The following ZCCHC10 variants were observed in gnomAD, a reference collection of about 807,000 sequenced individuals.
ZCCHC10 encodes the protein zinc finger CCHC domain-containing protein 10.
In ZCCHC10, 16 loss-of-function variants were observed where a neutral mutation model predicts 19.5. The ratio of observed to expected loss-of-function variants is 0.82; its 90% CI spans 0.56 to 1.25. The LOEUF (loss-of-function observed/expected upper bound fraction) is 1.25, where lower values mean the gene tolerates loss of function less well. ZCCHC10 is among the 50% of genes most tolerant of loss of function. The pLI is 0.00. For synonymous variants in ZCCHC10, 67 were observed against 72.5 expected (o/e 0.92, Z 0.38); for missense variants, 197 against 201.0 (o/e 0.98, Z 0.12).
chr5:133,003,482 A>C (rs1178405021), intron 3 of ZCCHC10: 1 of 211,612 alleles, frequency 4.7e-6, no homozygotes, highest in Non-Finnish European at 9.6e-6. Flanking sequence ...ATGTTGAGGT[A>C]ATCTACTGGA....
At chr5:133,014,064 T>C (rs1763753103) in intron 2 of ZCCHC10, among the ~76,000 whole-genome samples, 2 of 152,082 alleles carry the variant, frequency 1.3e-5, no homozygotes, top group Admixed American at 1.3e-4. Flanking sequence ...ACCCAGAATA[T>C]TTTCCTGCAT....
At chr5:133,018,938 G>A (rs1284252272) in intron 2 of ZCCHC10, 1 of 335,374 alleles carries the variant, frequency 3.0e-6, no homozygotes, top group Non-Finnish European at 5.7e-6. Flanking sequence ...TTGGCGGTGG[G>A]GGTCCATAGT....
chr5:133,001,748 C>G (rs1762787780), intron 3 of ZCCHC10, among the ~76,000 whole-genome samples: 2 of 152,102 alleles, frequency 1.3e-5, no homozygotes, highest in Admixed American at 1.3e-4. Flanking sequence ...TGAGCCACCA[C>G]ACATGGCCAA....
intron 3 of ZCCHC10, among the ~76,000 whole-genome samples, chr5:133,005,878 G>T (rs4301228): frequency 0.35 from 52,570 of 151,706 alleles, 10,410 homozygotes; most frequent in African/African-American, 0.55. Context: ...CCTGCATAAC[G>T]CTTGAAGAAC....
chr5:133,014,738 T>C (rs1227055955), intron 2 of ZCCHC10, among the ~76,000 whole-genome samples: 1 of 152,246 alleles, frequency 6.6e-6, no homozygotes, highest in Admixed American at 6.5e-5. Context: ...CCTTGCCATG[T>C]TGGCCTTTCC....
chr5:133,012,136 C>CAAAAAAAAAA (rs1172354725), intron 2 of ZCCHC10, among the ~76,000 whole-genome samples: 1 of 74,866 alleles, frequency 1.3e-5, no homozygotes, highest in Non-Finnish European at 2.4e-5. Context: ...GCCTCCATCT[C>CAAAAAAAAAA]AAAAAAAAAA....
At chr5:133,015,989 T>C (rs1044394048) in intron 2 of ZCCHC10, among the ~76,000 whole-genome samples, 1 of 152,226 alleles carries the variant, frequency 6.6e-6, no homozygotes. Context: ...CACCATCTTT[T>C]AGTCTGAGGC....
At chr5:133,005,585 G>A (rs1303083761) in intron 3 of ZCCHC10, among the ~76,000 whole-genome samples, 2 of 152,150 alleles carry the variant, frequency 1.3e-5, no homozygotes, top group African/African-American at 4.8e-5. Context: ...CAGATTGGAT[G>A]ACACAGTGAG....
chr5:133,003,633 G>C (rs553116895), intron 3 of ZCCHC10, among the ~76,000 whole-genome samples: 52 of 152,216 alleles, frequency 3.4e-4, no homozygotes, highest in African/African-American at 1.2e-3. Flanking sequence ...TGGGATTACA[G>C]GCATGAGCCA....
chr5:133,019,455 C>T (rs12517292), intron 2 of ZCCHC10, among the ~76,000 whole-genome samples: 22,425 of 151,990 alleles, frequency 0.15, 1,980 homozygotes, highest in Middle Eastern at 0.3. Flanking sequence ...TGTATTGTAA[C>T]GGTACAGGCT....
chr5:133,026,524 A>C lies in ZCCHC10; in HGVS notation c.14T>G (p.Met5Arg), dbSNP rs756695714. ...TTGTCTCCGGGCTATTAGCCGATGC[A>C]TGGGAGTCGCCATCTTAGCGCGGTC... MATP[M>R]HRLIARRQAF... Residue 5 changes from methionine to arginine, a missense_variant, in exon 1 of 5, where the codon ATG becomes AGG. Transcript: ENST00000509437. 6.8e-6 allele frequency: 11 copies of C among 1,613,686 alleles called. No homozygotes were observed. Among genetic ancestry groups the C allele is most frequent in the Non-Finnish European group, 9.3e-6 (11 of 1,179,928 alleles).
intron 3 of ZCCHC10, among the ~76,000 whole-genome samples, chr5:133,001,592 G>C (rs1024889388): frequency 6.6e-6 from 1 of 151,950 alleles, no homozygotes. Flanking sequence ...CTCTGGAGTA[G>C]CTGGGACTAC....
intron 1 of ZCCHC10, among the ~76,000 whole-genome samples, chr5:133,025,428 CG>C (rs1201787825): frequency 7.6e-6 from 1 of 131,770 alleles, no homozygotes; most frequent in Non-Finnish European, 1.6e-5. Flanking sequence ...GGCGTGAACC[CG>C]GGGGGCGGAG....
intron 2 of ZCCHC10, among the ~76,000 whole-genome samples, chr5:133,007,484 A>G (rs754970198): frequency 1.3e-5 from 2 of 151,164 alleles, no homozygotes; most frequent in Non-Finnish European, 3.0e-5. Context: ...CAGAGCTTGC[A>G]GTGAGCCAAG....
intron 2 of ZCCHC10, among the ~76,000 whole-genome samples, chr5:133,010,048 A>ATTTTTT (rs1763391439): frequency 8.0e-6 from 1 of 124,414 alleles, no homozygotes. Flanking sequence ...TTGGGTCAGC[A>ATTTTTT]ATTTTTTTTT....
At chr5:133,008,727 C>A (rs552151713) in intron 2 of ZCCHC10, among the ~76,000 whole-genome samples, 1 of 151,054 alleles carries the variant, frequency 6.6e-6, no homozygotes, top group African/African-American at 2.4e-5. Context: ...AAAAATTAGC[C>A]AGGGCCAGGC....
Position 132,997,007 on chromosome 5 carries a change from G to C in ZCCHC10, c.*1576C>G, listed in dbSNP as rs1762479354. 1.3e-5 allele frequency: 2 copies of C among 152,198 alleles called. No individual in the cohort carries two copies. 9.4% of individuals were successfully genotyped at this position (152,198 alleles called of 1,614,324 possible). A position where few individuals can be genotyped will look rare whatever the true frequency, so the allele number is the denominator to read the frequency against. On this transcript the variant is annotated 3_prime_UTR_variant, in exon 5 of 5. Transcript: ENST00000509437. ...AAGTTTAAGCTTGTGAGCACAAATT[G>C]TGAGTTTTATTTAACTGCAAGTGAT...
intron 4 of ZCCHC10, among the ~76,000 whole-genome samples, chr5:132,999,679 AAGGAACTTATC>A (rs1317169805): frequency 1.3e-5 from 2 of 152,212 alleles, no homozygotes; most frequent in African/African-American, 4.8e-5. Flanking sequence ...AGGTTAAAAA[AAGGAACTTATC>A]AGAAAATAGG....
chr5:133,004,420 C>G (rs1039773742), intron 3 of ZCCHC10, among the ~76,000 whole-genome samples: 1 of 152,108 alleles, frequency 6.6e-6, no homozygotes, highest in Non-Finnish European at 1.5e-5. Context: ...GTGATCCACC[C>G]GCCTTGGCCT....
Sources: gnomAD v4.1 joint callset for allele counts (sites outside exome capture counted in the v4.1 genomes callset) on GRCh38, gnomAD v4.1.1 for gene constraint, MANE v1.5 for transcripts, NCBI Gene and HGNC (gene_info 2026-07-23, HGNC 2026-07-21) for gene names.